Variants in GMPS observed in about 807,000 individuals in gnomAD.
GMPS encodes guanosine monophosphate synthase, also known as GMP synthase [glutamine-hydrolyzing].
GMPS carries 15 observed loss-of-function variants against 77.9 expected under a neutral mutation model. The ratio of observed to expected loss-of-function variants is 0.19; its 90% CI spans 0.13 to 0.30. The LOEUF is 0.30. Ranked by LOEUF, GMPS falls within the 10% of genes least tolerant of loss-of-function variation. The pLI, the probability that GMPS is intolerant of heterozygous loss-of-function variation, is 1.00. For missense variants in GMPS, 590 were observed against 838.8 expected (o/e 0.70, Z 3.66); for synonymous variants, 224 against 275.9 (o/e 0.81, Z 1.86).
chr3:155,878,294 G>T (rs1347453765), intron 1 of GMPS, among the ~76,000 whole-genome samples: 1 of 152,138 alleles, frequency 6.6e-6, no homozygotes, highest in Non-Finnish European at 1.5e-5. Context: ...CTTTCACTTA[G>T]CATAATGCTT....
At chr3:155,895,046 A>G (rs189832278) in intron 2 of GMPS, among the ~76,000 whole-genome samples, 1 of 152,298 alleles carries the variant, frequency 6.6e-6, no homozygotes, top group Non-Finnish European at 1.5e-5. Context: ...TCCCCAGCAA[A>G]CTAACAGACT....
rs931310373 is a variant in GMPS at position 155,943,538 on chromosome 3, CAT to C, written c.*5849_*5850del. On this transcript the variant is annotated 3_prime_UTR_variant, in exon 16 of 16. Transcript: ENST00000496455. ...AAGTGAATGTAAACCTCCTTTTGAA[CAT>C]ATTTTTTATAAAGAAATATTTTGTT... The C allele has an allele frequency of 5.6e-6, 1 of 178,580 alleles. No homozygotes were observed. Among genetic ancestry groups the C allele is most frequent in the African/African-American group, 2.4e-5 (1 of 42,318 alleles). The allele number at this position is 178,580 out of a possible 1,614,324, so 11.1% of individuals were successfully genotyped here. A position where few individuals can be genotyped will look rare whatever the true frequency, so the allele number is the denominator to read the frequency against.
chr3:155,874,901 C>CTTTTTTTTTTTT (rs1171275758), intron 1 of GMPS, among the ~76,000 whole-genome samples: 10 of 71,414 alleles, frequency 1.4e-4, no homozygotes, highest in African/African-American at 1.7e-4. Flanking sequence ...ACTTTGTTTT[C>CTTTTTTTTTTTT]TTTTTTTTTT....
chr3:155,897,832 C>T, intron 2 of GMPS, 95 bp from the exon 3 acceptor site: 1 of 671,884 alleles, frequency 1.5e-6, no homozygotes. Context: ...ATTTCTGGAT[C>T]TGTGTTGTTT....
intron 3 of GMPS, among the ~76,000 whole-genome samples, chr3:155,901,705 T>C (rs1754743009): frequency 6.6e-6 from 1 of 152,114 alleles, no homozygotes; most frequent in Non-Finnish European, 1.5e-5. Context: ...GGGGGTCACG[T>C]TGTAGTCTTA....
intron 1 of GMPS, among the ~76,000 whole-genome samples, chr3:155,892,695 G>C (rs1352233441): frequency 6.6e-6 from 1 of 152,210 alleles, no homozygotes; most frequent in East Asian, 1.9e-4. Flanking sequence ...GCAATGGCAT[G>C]ATATCAGCTC....
chr3:155,873,635 G>GTTTTTTTTTTTTTTT (rs1340921688), intron 1 of GMPS, among the ~76,000 whole-genome samples: 2 of 32,706 alleles, frequency 6.1e-5, no homozygotes, highest in Non-Finnish European at 1.3e-4. Flanking sequence ...ACATGAGTAA[G>GTTTTTTTTTTTTTTT]TTCTTTTTTT....
intron 2 of GMPS, 128 bp downstream of exon 2, chr3:155,893,827 C>T (rs562036921): frequency 5.4e-6 from 3 of 558,538 alleles, no homozygotes; most frequent in African/African-American, 2.0e-5. Flanking sequence ...GAGAAATTTC[C>T]CATGGCTCTG....
intron 1 of GMPS, among the ~76,000 whole-genome samples, chr3:155,891,640 C>G: frequency 7.8e-6 from 1 of 128,944 alleles, no homozygotes; most frequent in African/African-American, 3.0e-5. Flanking sequence ...GAGTTTTGCT[C>G]TTGTTGCCCA....
At chr3:155,918,922 C>T (rs543214232) in intron 9 of GMPS, among the ~76,000 whole-genome samples, 15 of 152,214 alleles carry the variant, frequency 9.9e-5, no homozygotes, top group Admixed American at 9.8e-4. Flanking sequence ...TTTTGGAACA[C>T]TAGTATATTT....
rs1347198884 is a variant in GMPS, at chr3:155,934,901, C to A, written c.1677-15C>A. The A allele has an allele frequency of 1.3e-6, 2 of 1,515,248 alleles. No individual in the cohort carries two copies. Among genetic ancestry groups the A allele is most frequent in the Non-Finnish European group, 1.8e-6 (2 of 1,092,202 alleles). 93.9% of individuals were successfully genotyped at this position (1,515,248 alleles called of 1,614,324 possible). A position where few individuals can be genotyped will look rare whatever the true frequency, so the allele number is the denominator to read the frequency against. On this transcript the variant is annotated splice_polypyrimidine_tract_variant and intron_variant, in intron 13 of 15. Transcript: ENST00000496455. ...AAATGTAATTGCTGTATTATTTTTA[C>A]CTCTTTGTTTCCAGAGTTGTTTATA...
In GMPS at chr3:155,941,619, C is replaced by T. The variant is rs991031274; in HGVS notation, c.*3927C>T. 1.4e-5 allele frequency: 3 copies of T among 221,826 alleles called. No homozygotes were observed. The highest frequency in any genetic ancestry group is 4.5e-5 in the African/African-American group (2 of 44,726). The allele number at this position is 221,826 out of a possible 1,614,324, so 13.7% of individuals were successfully genotyped here. ...GATATGTGGCGAGGACACGCCTTAGCTATCACCCCAATGGATGCTTCTTTC... is the reference window on the plus strand; with the variant it reads ...GATATGTGGCGAGGACACGCCTTAGTTATCACCCCAATGGATGCTTCTTTC... On this transcript the variant is annotated 3_prime_UTR_variant, in exon 16 of 16. Coordinates refer to ENST00000496455, the MANE Select transcript of GMPS (RefSeq NM_003875.3).
At chr3:155,875,464 C>T (rs757404225) in intron 1 of GMPS, among the ~76,000 whole-genome samples, 2 of 152,228 alleles carry the variant, frequency 1.3e-5, no homozygotes, top group African/African-American at 2.4e-5. Flanking sequence ...CTCCTGGGCT[C>T]AGGTGATCCA....
chr3:155,891,905 C>T (rs1457903142), intron 1 of GMPS, among the ~76,000 whole-genome samples: 1 of 152,024 alleles, frequency 6.6e-6, no homozygotes, highest in Non-Finnish European at 1.5e-5. Context: ...CATGCCTGAA[C>T]GCTTGTTCGT....
chr3:155,882,237 A>T (rs1277716380), intron 1 of GMPS, among the ~76,000 whole-genome samples: 2 of 152,220 alleles, frequency 1.3e-5, no homozygotes, highest in Non-Finnish European at 2.9e-5. Context: ...AATCATGGAT[A>T]CAGGGAATGA....
intron 1 of GMPS, among the ~76,000 whole-genome samples, chr3:155,878,509 A>G (rs951850261): frequency 1.3e-5 from 2 of 152,182 alleles, no homozygotes; most frequent in Non-Finnish European, 2.9e-5. Flanking sequence ...GCTCTTGAGT[A>G]TAAACCTAGG....
At chr3:155,928,288 A>G (rs1358132398) in intron 12 of GMPS, among the ~76,000 whole-genome samples, 1 of 135,862 alleles carries the variant, frequency 7.4e-6, no homozygotes, top group Non-Finnish European at 1.6e-5. Flanking sequence ...CGGCCTCCCA[A>G]AAGTGCTAGG....
rs2108158019 is a variant in GMPS at position 155,939,360 on chromosome 3, A to T, written c.*1668A>T. 1 of 209,374 alleles carries T rather than the reference A, an allele frequency of 4.8e-6. No individual in the cohort carries two copies. Among genetic ancestry groups the T allele is most frequent in the East Asian group, 7.2e-5 (1 of 13,834 alleles). 13.0% of individuals were successfully genotyped at this position (209,374 alleles called of 1,614,324 possible). A position where few individuals can be genotyped will look rare whatever the true frequency, so the allele number is the denominator to read the frequency against. On this transcript the variant is annotated 3_prime_UTR_variant, in exon 16 of 16. Transcript: ENST00000496455. Reference sequence around the variant, plus strand: ...ACACGTTTATGTTTATATGAAAAAAAATTTCTAGCCACAGTGTCTTATGAT... The same window carrying T: ...ACACGTTTATGTTTATATGAAAAAATATTTCTAGCCACAGTGTCTTATGAT...
chr3:155,872,385 C>T (rs1014902776), intron 1 of GMPS, among the ~76,000 whole-genome samples: 31 of 152,190 alleles, frequency 2.0e-4, no homozygotes, highest in African/African-American at 7.5e-4. Flanking sequence ...ACCCCATTGT[C>T]CAGCTCTTTC....
Sources: allele counts gnomAD v4.1 joint callset (sites outside exome capture counted in the v4.1 genomes callset), GRCh38; gene constraint gnomAD v4.1.1; transcripts MANE v1.5; gene names NCBI Gene and HGNC (gene_info 2026-07-23, HGNC 2026-07-21).